Variants in TLN2 observed in about 807,000 individuals in gnomAD.
TLN2 encodes the protein talin 2.
TLN2 carries 118 observed loss-of-function variants against 294.7 expected under a neutral mutation model. That is an observed-to-expected ratio of 0.40 (90% CI 0.34 to 0.47). The LOEUF (loss-of-function observed/expected upper bound fraction) is 0.47, where lower values mean the gene tolerates loss of function less well. Among genes scored for constraint, TLN2 ranks in the 20% least tolerant of loss-of-function variants. The probability of loss-of-function intolerance (pLI) is 0.84; values close to 1 mark genes in which losing one functional copy is unlikely to be tolerated. For synonymous variants in TLN2, 1,431 were observed against 1,304.5 expected (o/e 1.10, Z -2.09); for missense variants, 3,083 against 3,282.2 (o/e 0.94, Z 1.48).
At chr15:62,489,153 T>C (rs917952196) in intron 1 of TLN2, among the ~76,000 whole-genome samples, 2 of 152,142 alleles carry the variant, frequency 1.3e-5, no homozygotes, top group Admixed American at 1.3e-4. Context: ...AGAGCAAGAC[T>C]CCGTCTCAAA....
At position 62,698,810 on chromosome 15, in the gene TLN2, G is replaced by T; in HGVS notation, c.1530G>T (p.Gln510His). Residue 510 changes from glutamine to histidine, a missense_variant, in exon 16 of 59, where the codon CAG becomes CAT. Transcript: ENST00000636159. ...TCAACACAAGCATGCACGCCGTCCA[G>T]CAGGCCCAGGATGATCTCAGTGAGC... The part of the protein sequence containing the change: ...GTINTSMHAV[Q>H]QAQDDLSELD... 1 of 1,612,758 alleles carries T rather than the reference G, an allele frequency of 6.2e-7. No homozygotes were observed.
rs997535910 is a variant in TLN2 at position 62,664,196 on chromosome 15, A to T, written c.788+6298A>T. On this transcript the variant is annotated intron_variant, in intron 9 of 58. Coordinates refer to ENST00000636159, the MANE Select transcript of TLN2 (RefSeq NM_015059.3). ...TTGCATATTTGCAATGCATACTCCA[A>T]GATCAGATTAATATCCAGAAGATAT... 2.0e-5 allele frequency among the ~76,000 whole-genome samples: 3 copies of T among 148,588 alleles called. No individual in the cohort carries two copies. In the Admixed American group the frequency reaches 2.0e-4, roughly 10 times the overall value.
At position 62,796,309 on chromosome 15, in the gene TLN2, G is replaced by A. The variant is rs996531700; in HGVS notation, c.6050+16G>A. On this transcript the variant is annotated intron_variant, in intron 47 of 58. Transcript: ENST00000636159. ...CAGACCACAGGTACGTGGGGGTCCTGGACGGGGAGAGGTTCAGGCTGGCCT... is the reference window on the plus strand; with the variant it reads ...CAGACCACAGGTACGTGGGGGTCCTAGACGGGGAGAGGTTCAGGCTGGCCT... The A allele has an allele frequency of 1.2e-6, 2 of 1,605,946 alleles. No individual in the cohort carries two copies. The highest frequency in any genetic ancestry group is 1.1e-5 in the South Asian group (1 of 89,620).
intron 1 of TLN2, among the ~76,000 whole-genome samples, chr15:62,467,083 T>C (rs1413511705): frequency 6.6e-6 from 1 of 152,220 alleles, no homozygotes; most frequent in East Asian, 1.9e-4. Context: ...GATTTTAAAG[T>C]TGACCATTGC....
chr15:62,554,160 A>G (rs962332185), intron 1 of TLN2, among the ~76,000 whole-genome samples: 2 of 152,056 alleles, frequency 1.3e-5, no homozygotes, highest in Non-Finnish European at 2.9e-5. Flanking sequence ...AATGAGTACA[A>G]TGTGAGGAAA....
In TLN2 at chr15:62,433,661, G is replaced by T. The variant is rs550843867; in HGVS notation, c.-238+42976G>T. ...CCCCAGATGGCCTTTGTACATAAGG[G>T]CCCCTGTTCTGGTGTAAGGGATACT... On this transcript the variant is annotated intron_variant, in intron 1 of 58. Coordinates refer to ENST00000636159, the MANE Select transcript of TLN2 (RefSeq NM_015059.3). Among the ~76,000 whole-genome samples the T allele has an allele frequency of 9.9e-5, 15 of 152,130 alleles. No homozygotes were observed. In the South Asian group the frequency reaches 2.9e-3, roughly 30 times the overall value.
intron 1 of TLN2, among the ~76,000 whole-genome samples, chr15:62,523,112 T>G (rs1053555100): frequency 2.6e-5 from 4 of 152,216 alleles, no homozygotes; most frequent in African/African-American, 9.7e-5. Flanking sequence ...TGCTTAAATA[T>G]GCCAAATATT....
chr15:62,566,201 C>T (rs1229121005), intron 1 of TLN2, among the ~76,000 whole-genome samples: 3 of 151,864 alleles, frequency 2.0e-5, no homozygotes, highest in East Asian at 3.9e-4. Flanking sequence ...GCTTGGGGTG[C>T]GGGCAAGAGA....
At chr15:62,491,871 G>A (rs1375869111) in intron 1 of TLN2, among the ~76,000 whole-genome samples, 1 of 152,150 alleles carries the variant, frequency 6.6e-6, no homozygotes, top group East Asian at 1.9e-4. Flanking sequence ...GATGTTTTCT[G>A]TGGTCTTGTT....
chr15:62,689,877 T>TTTTTTTTTTA (rs71131119), intron 12 of TLN2, among the ~76,000 whole-genome samples: 235 of 9,844 alleles, frequency 0.024, 87 homozygotes, highest in Non-Finnish European at 0.048. Flanking sequence ...TTTTTTTTTT[T>TTTTTTTTTTA]ATTGGCTGAC....
intron 47 of TLN2, 40 bp downstream of exon 47, chr15:62,796,333 C>T (rs1567625051): frequency 3.8e-6 from 6 of 1,576,292 alleles, no homozygotes; most frequent in Non-Finnish European, 5.2e-6. Flanking sequence ...TCAGGCTGGC[C>T]TGCCCCTGAA....
intron 1 of TLN2, among the ~76,000 whole-genome samples, chr15:62,417,571 T>C (rs2034156318): frequency 6.6e-6 from 1 of 152,208 alleles, no homozygotes; most frequent in Non-Finnish European, 1.5e-5. Flanking sequence ...ATCAGAAAAT[T>C]GTTTTCCCTG....
intron 36 of TLN2, chr15:62,754,202 G>A (rs2062096012): frequency 6.9e-6 from 2 of 291,954 alleles, no homozygotes; most frequent in Non-Finnish European, 6.3e-6. Flanking sequence ...GACGTGAATT[G>A]AGGGCTTGTT....
intron 2 of TLN2, among the ~76,000 whole-genome samples, chr15:62,617,199 G>T (rs539205392): frequency 6.6e-6 from 1 of 152,046 alleles, no homozygotes; most frequent in South Asian, 2.1e-4. Context: ...TTATGCATTT[G>T]CAGAAATTGT....
chr15:62,797,415 CCTGGGGAGTG>C lies in TLN2; in HGVS notation c.6234+15_6234+24del. 6.3e-7 allele frequency: 1 copy of C among 1,581,170 alleles called. No individual in the cohort carries two copies. Among genetic ancestry groups the C allele is most frequent in the Non-Finnish European group, 8.6e-7 (1 of 1,168,370 alleles). ...CCCCGAGACCCAGGTACCAGCAGGG[CCTGGGGAGTG>C]CGTCCTCCCGGTCTTCCCGTGAACG... On this transcript the variant is annotated intron_variant, in intron 48 of 58. Transcript: ENST00000636159.
chr15:62,484,840 A>T (rs2038303185), intron 1 of TLN2, among the ~76,000 whole-genome samples: 2 of 152,180 alleles, frequency 1.3e-5, no homozygotes, highest in Non-Finnish European at 1.5e-5. Context: ...CTGGTGATGG[A>T]GTAGGGTCTG....
At chr15:62,755,482 C>A (rs748526974) in intron 36 of TLN2, 50 bp from the exon 37 acceptor site, 8 of 1,596,938 alleles carry the variant, frequency 5.0e-6, no homozygotes, top group Middle Eastern at 1.7e-4. Context: ...GGGGTGGACC[C>A]CTCTGCACTG....
intron 45 of TLN2, among the ~76,000 whole-genome samples, chr15:62,789,429 A>G (rs1343228040): frequency 6.6e-6 from 1 of 152,166 alleles, no homozygotes; most frequent in African/African-American, 2.4e-5. Context: ...ACCATTGATC[A>G]TATACAGGCT....
intron 1 of TLN2, among the ~76,000 whole-genome samples, chr15:62,535,775 G>C (rs930303189): frequency 6.6e-6 from 1 of 152,002 alleles, no homozygotes; most frequent in Non-Finnish European, 1.5e-5. Context: ...GGCTGGTCTC[G>C]AACTCCTGAC....
Sources: gnomAD v4.1 joint callset for allele counts (sites outside exome capture counted in the v4.1 genomes callset) on GRCh38, gnomAD v4.1.1 for gene constraint, MANE v1.5 for transcripts, NCBI Gene and HGNC (gene_info 2026-07-23, HGNC 2026-07-21) for gene names.